Variants in ST3GAL5 observed in about 807,000 individuals in gnomAD.
ST3GAL5 encodes the protein ST3 beta-galactoside alpha-2,3-sialyltransferase 5.
ST3GAL5 carries 25 observed loss-of-function variants against 46.1 expected under a neutral mutation model. The ratio of observed to expected loss-of-function variants is 0.54; its 90% confidence interval spans 0.40 to 0.76. The LOEUF is 0.76. ST3GAL5 is among the 30% of genes least tolerant of loss of function. The pLI, the probability that ST3GAL5 is intolerant of heterozygous loss-of-function variation, is 0.00. For synonymous variants in ST3GAL5, 182 were observed against 192.7 expected (o/e 0.94, Z 0.46); for missense variants, 431 against 521.2 (o/e 0.83, Z 1.69).
intron 3 of ST3GAL5, chr2:85,852,768 C>T (rs1683665075): frequency 4.2e-6 from 3 of 721,020 alleles, no homozygotes; most frequent in South Asian, 1.6e-5. Flanking sequence ...ATCAGGAGAT[C>T]TGGAGGCTGG....
chr2:85,847,479 C>T, intron 4 of ST3GAL5: 2 of 1,023,306 alleles, frequency 2.0e-6, no homozygotes, highest in Non-Finnish European at 2.3e-6. Context: ...AACGTTAAGT[C>T]CCTTGTGGGC....
In ST3GAL5 at chr2:85,868,061, G is replaced by A. The variant is rs574061181; in HGVS notation, c.83-4576C>T. On this transcript the variant is annotated intron_variant, in intron 1 of 6. Coordinates refer to ENST00000638572, the MANE Select transcript of ST3GAL5 (RefSeq NM_003896.4). Reference sequence around the variant, plus strand: ...AACATCACAAGAGAAGGGCCAAGCTGGGAACAACAGACAAACGGCAGAGTG... The same window carrying A: ...AACATCACAAGAGAAGGGCCAAGCTAGGAACAACAGACAAACGGCAGAGTG... The A allele has an allele frequency of 6.7e-4, 144 of 213,598 alleles. 3 individuals are homozygous for A. In the South Asian group the frequency reaches 0.012, roughly 17 times the overall value. 13.2% of individuals were successfully genotyped at this position (213,598 alleles called of 1,614,324 possible).
Position 85,840,135 on chromosome 2 carries a change from T to C in ST3GAL5, c.*9A>G. The C allele has an allele frequency of 6.2e-7, 1 of 1,614,210 alleles. No individual in the cohort carries two copies. Among genetic ancestry groups the C allele is most frequent in the African/African-American group, 1.3e-5 (1 of 75,040 alleles). On this transcript the variant is annotated 3_prime_UTR_variant, in exon 7 of 7. Coordinates refer to ENST00000638572, the MANE Select transcript of ST3GAL5 (RefSeq NM_003896.4). ...TTAGAGTTGCATTTTCAACTGAGGTTTTCTGTGTTCAAAATTCACGATCAA... is the reference window on the plus strand; with the variant it reads ...TTAGAGTTGCATTTTCAACTGAGGTCTTCTGTGTTCAAAATTCACGATCAA...
chr2:85,876,002 G>T (rs1407346822), intron 1 of ST3GAL5, among the ~76,000 whole-genome samples: 3 of 152,092 alleles, frequency 2.0e-5, no homozygotes, highest in Non-Finnish European at 4.4e-5. Flanking sequence ...TTTAAAAGTG[G>T]GGCTGAGGAA....
chr2:85,863,440 G>A lies in ST3GAL5; in HGVS notation c.128C>T (p.Ser43Leu), dbSNP rs369561282. Residue 43 changes from serine (S) to leucine (L), a missense_variant, in exon 2 of 7, where the codon TCG (serine) becomes TTG (leucine). Transcript: ENST00000638572. ...GGTGTACCATTGCAGGGAAGGCCTC[G>A]AGCAATCACTTCTCAGTTTCACATA... ...YTYVKLRSDCSRPSLQWYTRA... is the reference protein window; with the variant it reads ...YTYVKLRSDCLRPSLQWYTRA... 13 of 1,614,174 alleles carry A rather than the reference G, an allele frequency of 8.1e-6. No individual in the cohort carries two copies. Among genetic ancestry groups the A allele is most frequent in the African/African-American group, 6.7e-5 (5 of 75,036 alleles).
Position 85,842,405 on chromosome 2 carries a change from G to A in ST3GAL5, c.1008+1991C>T, listed in dbSNP as rs977122971. ...GATATATGGAGAGAACTAAAAAACC[G>A]ATGAAAAACTCCCCAAAGCATGTCA... On this transcript the variant is annotated intron_variant, in intron 6 of 6. Transcript: ENST00000638572. Among the ~76,000 whole-genome samples the A allele has an allele frequency of 5.3e-5, 8 of 152,080 alleles. No homozygotes were observed. In the South Asian group the frequency reaches 8.3e-4, roughly 16 times the overall value.
intron 1 of ST3GAL5, among the ~76,000 whole-genome samples, chr2:85,874,997 G>A (rs1686365582): frequency 1.3e-5 from 2 of 152,130 alleles, no homozygotes; most frequent in Admixed American, 1.3e-4. Flanking sequence ...GTTGAGGGGA[G>A]GCTAGGGGAA....
chr2:85,848,523 C>T, intron 3 of ST3GAL5: 5 of 705,972 alleles, frequency 7.1e-6, no homozygotes, highest in Non-Finnish European at 8.6e-6. Context: ...TTCGGGGTGT[C>T]TAAGACTTCA....
At chr2:85,863,015 T>C (rs1347670280) in intron 2 of ST3GAL5, among the ~76,000 whole-genome samples, 1 of 152,188 alleles carries the variant, frequency 6.6e-6, no homozygotes, top group East Asian at 1.9e-4. Context: ...TAATTAACCA[T>C]ATTTTAGATT....
intron 1 of ST3GAL5, among the ~76,000 whole-genome samples, chr2:85,886,565 GTT>G (rs1687788970): frequency 6.6e-6 from 1 of 152,078 alleles, no homozygotes; most frequent in African/African-American, 2.4e-5. Context: ...GGAAAAAAAA[GTT>G]TTGTCTGTCT....
At chr2:85,851,634 C>G (rs980327192) in intron 3 of ST3GAL5, 3 of 1,289,460 alleles carry the variant, frequency 2.3e-6, no homozygotes, top group East Asian at 5.5e-5. Flanking sequence ...CTCTCTTCCC[C>G]CTCCACTGCT....
chr2:85,848,626 T>C (rs1683113044), intron 3 of ST3GAL5: 2 of 347,058 alleles, frequency 5.8e-6, no homozygotes, highest in South Asian at 4.7e-5. Flanking sequence ...AAATACTGTA[T>C]GACCTGACTT....
chr2:85,879,681 C>T (rs1196816268), intron 1 of ST3GAL5, among the ~76,000 whole-genome samples: 1 of 152,186 alleles, frequency 6.6e-6, no homozygotes, highest in Non-Finnish European at 1.5e-5. Context: ...GAACATTTCC[C>T]TCTTAACCCA....
Position 85,888,926 on chromosome 2 carries a change from C to A in ST3GAL5, c.-21G>T, listed in dbSNP as rs1688081287. 7.5e-7 allele frequency: 1 copy of A among 1,338,750 alleles called. No homozygotes were observed. The highest frequency in any genetic ancestry group is 9.6e-7 in the Non-Finnish European group (1 of 1,039,300). The allele number at this position is 1,338,750 out of a possible 1,614,324, so 82.9% of individuals were successfully genotyped here. ...CGCATACTAATGAGGGGGCGCCGGCCGGCCGCCAGCCCGGTACCCCGCGCC... is the reference window on the plus strand; with the variant it reads ...CGCATACTAATGAGGGGGCGCCGGCAGGCCGCCAGCCCGGTACCCCGCGCC... On this transcript the variant is annotated 5_prime_UTR_variant, in exon 1 of 7. Coordinates refer to ENST00000638572, the MANE Select transcript of ST3GAL5 (RefSeq NM_003896.4).
intron 4 of ST3GAL5, chr2:85,846,827 T>C (rs1428509265): frequency 2.5e-6 from 1 of 394,970 alleles, no homozygotes; most frequent in African/African-American, 2.0e-5. Flanking sequence ...AATCTAAGCA[T>C]ATTACATTTG....
At chr2:85,859,608 G>A (rs930193182) in intron 3 of ST3GAL5, among the ~76,000 whole-genome samples, 1 of 152,182 alleles carries the variant, frequency 6.6e-6, no homozygotes, top group Non-Finnish European at 1.5e-5. Flanking sequence ...GCAAGACCCT[G>A]AGACTCAATA....
intron 1 of ST3GAL5, among the ~76,000 whole-genome samples, chr2:85,865,285 A>C (rs889447301): frequency 2.0e-5 from 3 of 152,138 alleles, no homozygotes; most frequent in Non-Finnish European, 2.9e-5. Flanking sequence ...TTCATTATTC[A>C]CTTCATTTTT....
chr2:85,866,152 AG>A (rs1239074288), intron 1 of ST3GAL5: 7 of 152,276 alleles, frequency 4.6e-5, no homozygotes, highest in African/African-American at 1.7e-4. Context: ...ACCTAAGCCC[AG>A]ACCTGTATAC....
rs1688092790 is a variant in ST3GAL5 at position 85,888,979 on chromosome 2, G to A, written c.-74C>T. The A allele has an allele frequency of 2.6e-6, 3 of 1,155,956 alleles. No homozygotes were observed. The highest frequency in any genetic ancestry group is 3.3e-6 in the Non-Finnish European group (3 of 917,806). The allele number at this position is 1,155,956 out of a possible 1,614,324, so 71.6% of individuals were successfully genotyped here. The stretch of plus-strand genomic sequence containing the variant: ...CACCCGCCCCCAGCGCCGCTCTCGC[G>A]CCCATTCAGCTGGGGGCCGCCGCTC... On this transcript the variant is annotated 5_prime_UTR_variant, in exon 1 of 7. Transcript: ENST00000638572.
Sources: gnomAD v4.1 joint callset for allele counts (sites outside exome capture counted in the v4.1 genomes callset) on GRCh38, gnomAD v4.1.1 for gene constraint, MANE v1.5 for transcripts, NCBI Gene and HGNC (gene_info 2026-07-23, HGNC 2026-07-21) for gene names.